The following DOCK10 variants were observed in gnomAD, a reference collection of about 807,000 sequenced individuals.
DOCK10 encodes dedicator of cytokinesis protein 10.
Under a neutral mutation model 280.1 loss-of-function variants are expected in DOCK10, and 145 were observed. The observed-to-expected ratio is 0.52, with a 90% CI of 0.45 to 0.59. DOCK10 has a LOEUF of 0.59. Ranked by LOEUF, DOCK10 falls within the 20% of genes least tolerant of loss-of-function variation. The probability of loss-of-function intolerance (pLI) is 0.00; values close to 1 mark genes in which losing one functional copy is unlikely to be tolerated. For synonymous variants in DOCK10, 915 were observed against 942.2 expected (o/e 0.97, Z 0.53); for missense variants, 2,368 against 2,651.7 (o/e 0.89, Z 2.35).
intron 2 of DOCK10, among the ~76,000 whole-genome samples, chr2:224,919,131 G>A (rs912889207): frequency 5.4e-5 from 8 of 146,800 alleles, no homozygotes; most frequent in South Asian, 2.2e-4. Context: ...TGTGTGGCAC[G>A]TATATGTGTG....
At chr2:224,777,572 C>G (rs1409433320) in intron 51 of DOCK10, among the ~76,000 whole-genome samples, 1 of 152,160 alleles carries the variant, frequency 6.6e-6, no homozygotes, top group Non-Finnish European at 1.5e-5. Context: ...GCCAGGGGCT[C>G]TTGGGCCTTC....
rs564837251 is a variant in DOCK10 at position 225,001,123 on chromosome 2, C to G, written c.123+41129G>C. On this transcript the variant is annotated intron_variant, in intron 1 of 55. Coordinates refer to ENST00000258390, the MANE Select transcript of DOCK10 (RefSeq NM_014689.3). ...TATGGGCAGTGATATTTTATCAGTA[C>G]TTTAAAGTGACTGGTTAGCTACTAA... is the stretch of plus-strand genomic sequence containing the variant. Among the ~76,000 whole-genome samples the G allele has an allele frequency of 2.6e-5, 4 of 152,256 alleles. No individual in the cohort carries two copies. In the South Asian group the frequency reaches 8.3e-4, roughly 32 times the overall value.
intron 1 of DOCK10, among the ~76,000 whole-genome samples, chr2:225,033,070 C>T (rs2106128885): frequency 6.6e-6 from 1 of 152,296 alleles, no homozygotes; most frequent in African/African-American, 2.4e-5. Flanking sequence ...CATTAAAGAG[C>T]TGCCTAGCTT....
At chr2:224,923,932 G>T (rs1701915664) in intron 2 of DOCK10, among the ~76,000 whole-genome samples, 1 of 152,232 alleles carries the variant, frequency 6.6e-6, no homozygotes, top group Admixed American at 6.5e-5. Context: ...TGCTGCTGAT[G>T]AATTCAGCCG....
chr2:225,039,264 G>C (rs1690347504), intron 1 of DOCK10, among the ~76,000 whole-genome samples: 1 of 152,170 alleles, frequency 6.6e-6, no homozygotes, highest in African/African-American at 2.4e-5. Context: ...TTTTCGGGCT[G>C]AAATTCTACC....
At chr2:225,019,649 G>A (rs1358163943) in intron 1 of DOCK10, among the ~76,000 whole-genome samples, 1 of 152,036 alleles carries the variant, frequency 6.6e-6, no homozygotes, top group Admixed American at 6.6e-5. Flanking sequence ...TTCTCTGATG[G>A]CAAATCTTTC....
rs542556252 is a variant in DOCK10 at position 224,819,460 on chromosome 2, A to G, written c.3253T>C (p.Ser1085Pro). ...MVNNYISMFS[S>P]GDLKTLCQYK... Reference sequence around the variant, plus strand: ...GTGGTTCTTACCTTAAGGTCACCGGAGGAGAACATGCTGATGTAATTGTTG... The same window carrying G: ...GTGGTTCTTACCTTAAGGTCACCGGGGGAGAACATGCTGATGTAATTGTTG... The change falls in exon 29 of 56, where the codon TCC becomes CCC. Residue 1085 changes from serine to proline, a missense_variant. This residue lies in a region of DOCK10 where 1,159 missense variants were observed against 1,400.8 expected (regional missense o/e 0.83). Transcript: ENST00000258390. 13 of 1,608,434 alleles carry G rather than the reference A, an allele frequency of 8.1e-6. No individual in the cohort carries two copies. The highest frequency in any genetic ancestry group is 9.3e-6 in the Non-Finnish European group (11 of 1,176,966).
intron 24 of DOCK10, among the ~76,000 whole-genome samples, chr2:224,838,131 C>T (rs969893566): frequency 2.0e-5 from 3 of 152,126 alleles, no homozygotes; most frequent in Middle Eastern, 3.2e-3. Context: ...GTTGAATGTG[C>T]TAATTATGGT....
At chr2:224,851,504 G>A (rs1574937438) in intron 18 of DOCK10, among the ~76,000 whole-genome samples, 2 of 140,062 alleles carry the variant, frequency 1.4e-5, no homozygotes, top group Non-Finnish European at 3.1e-5. Context: ...TGAATTAATT[G>A]CTTGATTAAT....
At chr2:224,988,870 G>T (rs1334252986) in intron 1 of DOCK10, among the ~76,000 whole-genome samples, 1 of 152,134 alleles carries the variant, frequency 6.6e-6, no homozygotes, top group African/African-American at 2.4e-5. Context: ...GCCTAAATTG[G>T]CTGTCAAAGC....
At chr2:224,853,855 A>G (rs998751823) in intron 16 of DOCK10, among the ~76,000 whole-genome samples, 8 of 152,248 alleles carry the variant, frequency 5.3e-5, no homozygotes. Flanking sequence ...ATGATTAGCT[A>G]CGAATGCTTG....
intron 1 of DOCK10, chr2:224,983,563 G>A (rs1019669226): frequency 2.0e-5 from 6 of 298,888 alleles, no homozygotes; most frequent in African/African-American, 1.3e-4. Flanking sequence ...GGTGCTGCAG[G>A]AAGTTTGAGG....
chr2:224,889,562 AG>A (rs1699535961), intron 4 of DOCK10, among the ~76,000 whole-genome samples: 1 of 152,216 alleles, frequency 6.6e-6, no homozygotes, highest in African/African-American at 2.4e-5. Context: ...TCTCTTCCAA[AG>A]GAGGTTATCC....
At position 224,841,801 on chromosome 2, in the gene DOCK10, T is replaced by A; in HGVS notation, c.2661+3A>T. The A allele has an allele frequency of 6.3e-7, 1 of 1,599,902 alleles. No individual in the cohort carries two copies. Among genetic ancestry groups the A allele is most frequent in the Non-Finnish European group, 8.6e-7 (1 of 1,167,172 alleles). On this transcript the variant is annotated splice_donor_region_variant and intron_variant, in intron 23 of 55. Transcript: ENST00000258390. Reference sequence around the variant, plus strand: ...CACTGAAACTGCTTGCATGTCATGTTACCTTACAAGAGCGGATGAAATTTG... The same window carrying A: ...CACTGAAACTGCTTGCATGTCATGTAACCTTACAAGAGCGGATGAAATTTG...
chr2:224,875,934 G>A (rs137864612), intron 8 of DOCK10, 104 bp downstream of exon 8: 57 of 1,161,218 alleles, frequency 4.9e-5, no homozygotes, highest in Non-Finnish European at 6.5e-5. Context: ...CCCCAGGATG[G>A]ATGAGCTAGA....
intron 1 of DOCK10, among the ~76,000 whole-genome samples, chr2:225,016,609 A>ATG: frequency 2.1e-5 from 2 of 95,370 alleles, no homozygotes; most frequent in Non-Finnish European, 4.6e-5. Context: ...ACATAGATAC[A>ATG]TATATCTATG....
chr2:224,963,474 T>A (rs568328234), intron 1 of DOCK10, among the ~76,000 whole-genome samples: 1 of 152,338 alleles, frequency 6.6e-6, no homozygotes, highest in South Asian at 2.1e-4. Flanking sequence ...TCTCCTTAAA[T>A]GTACAGGACA....
intron 42 of DOCK10, among the ~76,000 whole-genome samples, 175 bp from the exon 43 acceptor site, chr2:224,797,321 G>C (rs1044981053): frequency 1.3e-5 from 2 of 148,698 alleles, no homozygotes; most frequent in Admixed American, 1.3e-4. Context: ...GCCTATGTTA[G>C]CATTTGTCTT....
intron 3 of DOCK10, among the ~76,000 whole-genome samples, chr2:224,897,232 A>T (rs1700038334): frequency 6.6e-6 from 1 of 152,034 alleles, no homozygotes; most frequent in Non-Finnish European, 1.5e-5. Context: ...TTTCTCTGTG[A>T]TTATTCATAG....
Sources: gnomAD v4.1 joint callset for allele counts (sites outside exome capture counted in the v4.1 genomes callset) on GRCh38, gnomAD v4.1.1 for gene constraint, gnomAD v4.1.1 regional missense constraint, MANE v1.5 for transcripts, NCBI Gene and HGNC (gene_info 2026-07-23, HGNC 2026-07-21) for gene names.